GAS2L3: variants seen among roughly 807,000 people sequenced by gnomAD.
GAS2L3 encodes the protein GAS2-like protein 3.
GAS2L3 carries 28 observed loss-of-function variants against 37.0 expected under a neutral mutation model. The ratio of observed to expected loss-of-function variants is 0.76; its 90% CI spans 0.56 to 1.04. The LOEUF is 1.04. Among genes scored for constraint, GAS2L3 ranks in the 50% least tolerant of loss-of-function variants. The probability of loss-of-function intolerance (pLI) is 0.00; values close to 1 mark genes in which losing one functional copy is unlikely to be tolerated. For synonymous variants in GAS2L3, 290 were observed against 296.6 expected, an observed-to-expected ratio of 0.98 and a Z score of 0.23; for missense variants, 793 against 817.6, an observed-to-expected ratio of 0.97 and a Z score of 0.37.
intron 8 of GAS2L3, among the ~76,000 whole-genome samples, chr12:100,620,598 A>G (rs1259829755): frequency 1.3e-5 from 2 of 152,026 alleles, no homozygotes; most frequent in African/African-American, 2.4e-5. Flanking sequence ...AACTAAAAAG[A>G]AACATTTCTC....
At chr12:100,612,956 A>G (rs745605645) in intron 6 of GAS2L3, among the ~76,000 whole-genome samples, 2 of 152,140 alleles carry the variant, frequency 1.3e-5, no homozygotes, top group Non-Finnish European at 2.9e-5. Flanking sequence ...ACACACCCTT[A>G]TTGCCCTCAC....
intron 1 of GAS2L3, among the ~76,000 whole-genome samples, chr12:100,577,880 G>C (rs561414496): frequency 5.1e-4 from 77 of 152,322 alleles, no homozygotes; most frequent in African/African-American, 1.7e-3. Flanking sequence ...TGAAAGCATG[G>C]CGCTTAGAAG....
Position 100,611,987 on chromosome 12 carries a change from T to C in GAS2L3, c.304-13T>C, listed in dbSNP as rs771459725. On this transcript the variant is annotated splice_polypyrimidine_tract_variant and intron_variant, in intron 5 of 9. Coordinates refer to ENST00000547754, the MANE Select transcript of GAS2L3 (RefSeq NM_174942.3). The stretch of plus-strand genomic sequence containing the variant: ...TTGATACATTTTTGAAATTATTCTT[T>C]TGTCTTTTCCAGAATTTTCCAATGA... 6.4e-7 allele frequency: 1 copy of C among 1,564,986 alleles called. No individual in the cohort carries two copies. Among genetic ancestry groups the C allele is most frequent in the East Asian group, 2.2e-5 (1 of 44,560 alleles).
In GAS2L3 at chr12:100,624,875, G is replaced by A. The variant is rs778423612; in HGVS notation, c.2070G>A (p.Lys690=). Residue 690 remains lysine (K), a synonymous_variant, in exon 10 of 10, where the codon AAG becomes AAA. Transcript: ENST00000547754. ...DDHYFVMTGS[K]KPRK is the part of the protein sequence containing the mutation. ...ATTATTTTGTCATGACTGGAAGTAAGAAACCTAGAAAATAAATACATACTC... is the reference window on the plus strand; with the variant it reads ...ATTATTTTGTCATGACTGGAAGTAAAAAACCTAGAAAATAAATACATACTC... The A allele has an allele frequency of 3.2e-6, 5 of 1,577,118 alleles. No individual in the cohort carries two copies. In the South Asian group the frequency reaches 4.6e-5, roughly 14 times the overall value.
chr12:100,594,829 A>G, intron 2 of GAS2L3, 46 bp from the exon 3 acceptor site: 1 of 664,576 alleles, frequency 1.5e-6, no homozygotes, highest in Non-Finnish European at 2.3e-6. Context: ...GGGAGTAGCA[A>G]AACTGCCACT....
intron 5 of GAS2L3, among the ~76,000 whole-genome samples, chr12:100,603,282 C>T (rs57072985): frequency 2.0e-5 from 3 of 152,194 alleles, no homozygotes; most frequent in Admixed American, 6.5e-5. Context: ...GTTCCCTTTT[C>T]TCCACATCTT....
Position 100,626,114 on chromosome 12 carries a change from T to A in GAS2L3, c.*1224T>A, listed in dbSNP as rs2136619991. On this transcript the variant is annotated 3_prime_UTR_variant, in exon 10 of 10. Coordinates refer to ENST00000547754, the MANE Select transcript of GAS2L3 (RefSeq NM_174942.3). ...GTGACTTTAAAAATTATTAATGAACTTTGAGAAGTTTTAAGAGTGCTTTTA... is the reference window on the plus strand; with the variant it reads ...GTGACTTTAAAAATTATTAATGAACATTGAGAAGTTTTAAGAGTGCTTTTA... 1 of 152,326 alleles carries A rather than the reference T, an allele frequency of 6.6e-6. No individual in the cohort carries two copies. Among genetic ancestry groups the A allele is most frequent in the Non-Finnish European group, 1.5e-5 (1 of 68,014 alleles). The allele number at this position is 152,326 out of a possible 1,614,324, so 9.4% of individuals were successfully genotyped here.
intron 1 of GAS2L3, among the ~76,000 whole-genome samples, chr12:100,590,805 A>G (rs1008607434): frequency 2.0e-5 from 3 of 152,184 alleles, no homozygotes; most frequent in Admixed American, 6.5e-5. Flanking sequence ...ATTGAAGACT[A>G]TTATTCTAAG....
chr12:100,615,046 AG>A, intron 6 of GAS2L3, among the ~76,000 whole-genome samples: 1 of 152,308 alleles, frequency 6.6e-6, no homozygotes, highest in East Asian at 1.9e-4. Context: ...TGGAATTTCT[AG>A]GTCATATGGT....
Position 100,624,237 on chromosome 12 carries a change from C to T in GAS2L3, c.1432C>T (p.His478Tyr). Residue 478 changes from histidine to tyrosine, a missense_variant, in exon 10 of 10, where the codon CAT becomes TAT. Physicochemically the swap from His to Tyr is moderately conservative, Grantham distance 83 (BLOSUM62 2). Coordinates refer to ENST00000547754, the MANE Select transcript of GAS2L3 (RefSeq NM_174942.3). ...TCAACCTAAGTATTTGAAACATAAT[C>T]ATATTTCTTCCAGAGATAATGCAGT... ...KTQPKYLKHN[H>Y]ISSRDNAVSH... is the part of the protein sequence containing the mutation. 6.2e-7 allele frequency: 1 copy of T among 1,613,992 alleles called. No individual in the cohort carries two copies. Among genetic ancestry groups the T allele is most frequent in the Non-Finnish European group, 8.5e-7 (1 of 1,179,946 alleles).
At position 100,625,521 on chromosome 12, in the gene GAS2L3, A is replaced by G. The variant is rs757085170; in HGVS notation, c.*631A>G. ...ATTGTTTCATGTGGCTTATATTTACATTGGTAATATTTTGTCACCAATATT... is the reference window on the plus strand; with the variant it reads ...ATTGTTTCATGTGGCTTATATTTACGTTGGTAATATTTTGTCACCAATATT... On this transcript the variant is annotated 3_prime_UTR_variant, in exon 10 of 10. Coordinates refer to ENST00000547754, the MANE Select transcript of GAS2L3 (RefSeq NM_174942.3). The G allele has an allele frequency of 3.9e-5, 6 of 152,160 alleles. No homozygotes were observed. Among genetic ancestry groups the G allele is most frequent in the African/African-American group, 1.2e-4 (5 of 41,436 alleles). The allele number at this position is 152,160 out of a possible 1,614,324, so 9.4% of individuals were successfully genotyped here.
intron 5 of GAS2L3, among the ~76,000 whole-genome samples, chr12:100,609,154 C>G (rs897802369): frequency 6.6e-6 from 1 of 152,200 alleles, no homozygotes; most frequent in Non-Finnish European, 1.5e-5. Flanking sequence ...GTGCTCTACT[C>G]TACTGTGGCT....
At position 100,624,220 on chromosome 12, in the gene GAS2L3, A is replaced by C. The variant is rs1446886383; in HGVS notation, c.1415A>C (p.Lys472Thr). 1 of 1,613,938 alleles carries C rather than the reference A, an allele frequency of 6.2e-7. No individual in the cohort carries two copies. The highest frequency in any genetic ancestry group is 1.3e-5 in the African/African-American group (1 of 74,908). ...PNKCSGKTQP[K>T]YLKHNHISSR... Reference sequence around the variant, plus strand: ...AAGTGTTCAGGAAAAACTCAACCTAAGTATTTGAAACATAATCATATTTCT... The same window carrying C: ...AAGTGTTCAGGAAAAACTCAACCTACGTATTTGAAACATAATCATATTTCT... The change falls in exon 10 of 10, where the codon AAG (lysine) becomes ACG (threonine). Residue 472 changes from lysine (K) to threonine (T), a missense_variant. Coordinates refer to ENST00000547754, the MANE Select transcript of GAS2L3 (RefSeq NM_174942.3).
intron 8 of GAS2L3, among the ~76,000 whole-genome samples, chr12:100,620,596 A>G (rs892596102): frequency 2.0e-5 from 3 of 152,046 alleles, no homozygotes; most frequent in Admixed American, 2.0e-4. Flanking sequence ...AAAACTAAAA[A>G]GAAACATTTC....
intron 1 of GAS2L3, chr12:100,579,016 C>G: frequency 1.2e-6 from 1 of 827,548 alleles, no homozygotes; most frequent in South Asian, 1.3e-5. Flanking sequence ...AAGTCTATTA[C>G]TTGCCTCTGA....
chr12:100,585,530 A>G (rs1688873487), intron 1 of GAS2L3, among the ~76,000 whole-genome samples: 1 of 152,078 alleles, frequency 6.6e-6, no homozygotes, highest in South Asian at 2.1e-4. Flanking sequence ...CTGAGATTAC[A>G]GGCGTGAGCC....
chr12:100,600,376 C>A lies in GAS2L3; in HGVS notation c.19-6C>A. 2 of 1,514,160 alleles carry A rather than the reference C, an allele frequency of 1.3e-6. No individual in the cohort carries two copies. The highest frequency in any genetic ancestry group is 1.8e-6 in the Non-Finnish European group (2 of 1,129,696). 93.8% of individuals were successfully genotyped at this position (1,514,160 alleles called of 1,614,324 possible). A position where few individuals can be genotyped will look rare whatever the true frequency, so the allele number is the denominator to read the frequency against. On this transcript the variant is annotated splice_polypyrimidine_tract_variant and splice_region_variant and intron_variant, in intron 3 of 9. Coordinates refer to ENST00000547754, the MANE Select transcript of GAS2L3 (RefSeq NM_174942.3). Reference sequence around the variant, plus strand: ...CATTCAGTTGATTGATTTTTTTTTTCTTTAGGTATGGTTTGGAGAAGATCT... The same window carrying A: ...CATTCAGTTGATTGATTTTTTTTTTATTTAGGTATGGTTTGGAGAAGATCT...
chr12:100,600,557 C>T lies in GAS2L3; in HGVS notation c.187+7C>T. 6.2e-7 allele frequency: 1 copy of T among 1,608,832 alleles called. No homozygotes were observed. The highest frequency in any genetic ancestry group is 8.5e-7 in the Non-Finnish European group (1 of 1,176,060). ...TGGTTATCTGGTTTATTAGGTGAGG[C>T]TTGAAACAATACCCAAAATTGTATT... On this transcript the variant is annotated splice_region_variant and intron_variant, in intron 4 of 9. Transcript: ENST00000547754.
intron 8 of GAS2L3, among the ~76,000 whole-genome samples, chr12:100,619,388 C>T (rs1224464054): frequency 6.6e-6 from 1 of 151,998 alleles, no homozygotes; most frequent in Admixed American, 6.6e-5. Flanking sequence ...TGAACATTTT[C>T]TGCTTAGACT....
Sources: allele counts gnomAD v4.1 joint callset (sites outside exome capture counted in the v4.1 genomes callset), GRCh38; gene constraint gnomAD v4.1.1; transcripts MANE v1.5; gene names NCBI Gene and HGNC (gene_info 2026-07-23, HGNC 2026-07-21).